Variants in WWP2 observed in about 807,000 individuals in gnomAD.
WWP2 encodes WW domain containing E3 ubiquitin protein ligase 2, also known as NEDD4-like E3 ubiquitin-protein ligase WWP2.
In WWP2, 57 loss-of-function variants were observed where a neutral mutation model predicts 121.0. The observed-to-expected ratio is 0.47, with a 90% CI of 0.38 to 0.59. WWP2 has a LOEUF of 0.59. WWP2 is among the 20% of genes least tolerant of loss of function. WWP2 has a pLI of 0.00. For missense variants in WWP2, 962 were observed against 1,158.9 expected, an observed-to-expected ratio of 0.83 and a Z score of 2.47; for synonymous variants, 449 against 441.3, an observed-to-expected ratio of 1.02 and a Z score of -0.22.
chr16:69,833,826 C>T (rs2056831310), intron 4 of WWP2, among the ~76,000 whole-genome samples: 1 of 152,146 alleles, frequency 6.6e-6, no homozygotes. Context: ...CAGCCCCTGC[C>T]TGTGACTTGC....
chr16:69,878,273 G>A (rs1420268512), intron 7 of WWP2, among the ~76,000 whole-genome samples: 2 of 152,164 alleles, frequency 1.3e-5, no homozygotes, highest in Non-Finnish European at 2.9e-5. Context: ...ACCAAAATGT[G>A]ACACAGAGAC....
At chr16:69,809,195 G>T (rs765479376) in intron 4 of WWP2, among the ~76,000 whole-genome samples, 1 of 152,232 alleles carries the variant, frequency 6.6e-6, no homozygotes, top group Non-Finnish European at 1.5e-5. Context: ...AATGTGGATT[G>T]CAACAGGGCA....
intron 4 of WWP2, among the ~76,000 whole-genome samples, chr16:69,816,587 A>AT (rs1248657642): frequency 6.6e-6 from 1 of 151,538 alleles, no homozygotes; most frequent in Non-Finnish European, 1.5e-5. Context: ...CATTATTAGT[A>AT]TTTTTCTGAT....
chr16:69,917,917 C>T lies in WWP2; in HGVS notation c.1179+34C>T, dbSNP rs376505165. On this transcript the variant is annotated intron_variant, in intron 10 of 23. Coordinates refer to ENST00000359154, the MANE Select transcript of WWP2 (RefSeq NM_001270454.2). ...GCAGGCGCTTGGCCCGAGGTGGGGC[C>T]GCCTCCCTGCGCTTGCGAATGTGCA... 6.2e-5 allele frequency: 98 copies of T among 1,587,912 alleles called. 1 individual carries two copies. The highest frequency in any genetic ancestry group is 4.4e-4 in the African/African-American group (32 of 72,802).
intron 4 of WWP2, among the ~76,000 whole-genome samples, chr16:69,826,967 G>T (rs1334154732): frequency 3.0e-5 from 4 of 135,188 alleles, no homozygotes; most frequent in Non-Finnish European, 4.9e-5. Context: ...GGGGGGGGCG[G>T]AGAGAATAAT....
intron 4 of WWP2, among the ~76,000 whole-genome samples, chr16:69,826,737 A>G (rs1012808424): frequency 1.3e-5 from 2 of 151,124 alleles, no homozygotes; most frequent in African/African-American, 4.9e-5. Context: ...AAAAAAAAAA[A>G]AAATTAGCCT....
intron 4 of WWP2, among the ~76,000 whole-genome samples, chr16:69,814,083 A>G (rs1402080180): frequency 6.6e-6 from 1 of 152,186 alleles, no homozygotes; most frequent in Non-Finnish European, 1.5e-5. Context: ...TCGGGGACAC[A>G]CTTGTTTGAG....
intron 10 of WWP2, among the ~76,000 whole-genome samples, chr16:69,922,895 CTT>C (rs568949535): frequency 2.7e-5 from 4 of 146,004 alleles, no homozygotes; most frequent in South Asian, 2.2e-4. Flanking sequence ...TGCCACGACT[CTT>C]TTTTTTTTTT....
At chr16:69,792,031 A>G (rs893833718) in intron 2 of WWP2, among the ~76,000 whole-genome samples, 1 of 151,868 alleles carries the variant, frequency 6.6e-6, no homozygotes, top group African/African-American at 2.4e-5. Context: ...TGGTGGGGGG[A>G]AAGAGAAAGA....
At chr16:69,906,963 A>C (rs2058304345) in intron 8 of WWP2, among the ~76,000 whole-genome samples, 1 of 152,248 alleles carries the variant, frequency 6.6e-6, no homozygotes, top group Non-Finnish European at 1.5e-5. Flanking sequence ...TAATACTAAA[A>C]ATATTTGTCA....
At chr16:69,870,356 A>G (rs1318097340) in intron 6 of WWP2, among the ~76,000 whole-genome samples, 1 of 147,872 alleles carries the variant, frequency 6.8e-6, no homozygotes, top group African/African-American at 2.5e-5. Context: ...GCTGGAATAC[A>G]GTGACGTGAT....
At chr16:69,866,954 C>T (rs2057536720) in intron 6 of WWP2, among the ~76,000 whole-genome samples, 1 of 152,070 alleles carries the variant, frequency 6.6e-6, no homozygotes, top group Non-Finnish European at 1.5e-5. Flanking sequence ...TCTTCTGCCT[C>T]AGGCTCCTGA....
intron 2 of WWP2, among the ~76,000 whole-genome samples, chr16:69,797,382 G>A (rs1389435835): frequency 6.6e-6 from 1 of 152,168 alleles, no homozygotes; most frequent in African/African-American, 2.4e-5. Context: ...CCGGCCGGGT[G>A]CACAGTCTGG....
In WWP2 at chr16:69,934,879, G is replaced by A. The variant is rs73580162; in HGVS notation, c.1842+750G>A. ...GAAGGGTAGAGCCCAGAGAGGGCGC[G>A]CCAGTCCATGGGCGCTGCCGTTCAC... On this transcript the variant is annotated intron_variant, in intron 17 of 23. Transcript: ENST00000359154. 9.8e-3 allele frequency among the ~76,000 whole-genome samples: 1,488 copies of A among 152,272 alleles called. 26 individuals are homozygous for A. Among genetic ancestry groups the A allele is most frequent in the African/African-American group, 0.034 (1,406 of 41,552 alleles).
chr16:69,913,765 A>C (rs1425393689), intron 9 of WWP2, among the ~76,000 whole-genome samples: 2 of 152,022 alleles, frequency 1.3e-5, no homozygotes, highest in African/African-American at 2.4e-5. Context: ...AAAATTCAGT[A>C]GAATGGTTGA....
intron 4 of WWP2, among the ~76,000 whole-genome samples, chr16:69,804,397 A>G (rs956683902): frequency 6.6e-6 from 1 of 152,060 alleles, no homozygotes; most frequent in Admixed American, 6.5e-5. Flanking sequence ...GATCTAATTC[A>G]TTTTTTTCCC....
intron 7 of WWP2, among the ~76,000 whole-genome samples, chr16:69,877,214 C>A (rs1339031856): frequency 3.9e-5 from 6 of 152,212 alleles, no homozygotes; most frequent in African/African-American, 1.4e-4. Flanking sequence ...GCTAGATCTT[C>A]TGGATAGCTT....
chr16:69,794,078 C>A (rs748068111), intron 2 of WWP2, among the ~76,000 whole-genome samples: 2 of 152,026 alleles, frequency 1.3e-5, no homozygotes, highest in African/African-American at 2.4e-5. Flanking sequence ...CCACCACGCC[C>A]GGCTAAGTTT....
rs546275437 is a variant in WWP2, at chr16:69,897,871, G to A, written c.914+9622G>A. ...TACAGTGAGCCGAGATCGTACCACT[G>A]CACTCTAGCCTGGGCGACAGAGTGA... On this transcript the variant is annotated intron_variant, in intron 8 of 23. Transcript: ENST00000359154. Among the ~76,000 whole-genome samples, 113 of 151,932 alleles carry A rather than the reference G, an allele frequency of 7.4e-4. 3 individuals are homozygous for A. The Middle Eastern group carries it at 0.027, about 37-fold the overall frequency.
Sources: allele counts gnomAD v4.1 joint callset (sites outside exome capture counted in the v4.1 genomes callset), GRCh38; gene constraint gnomAD v4.1.1; transcripts MANE v1.5; gene names NCBI Gene and HGNC (gene_info 2026-07-23, HGNC 2026-07-21).